The following OR10J1 variants were observed in gnomAD, a reference collection of about 807,000 sequenced individuals.
OR10J1 encodes olfactory receptor 10J1.
For missense variants in OR10J1, 474 were observed against 376.6 expected (o/e 1.26, Z -2.14); for synonymous variants, 202 against 143.8 (o/e 1.40, Z -2.89).
At chr1:159,400,964 A>G in the OR10J1 span, among the ~76,000 whole-genome samples, 1,257 of 151,836 alleles carry the variant, frequency 8.3e-3, 8 homozygotes, top group Middle Eastern at 0.014. Flanking sequence ...ATAATCAGAA[A>G]TTTTGGAAAA....
chr1:159,401,606 C>G, the OR10J1 span, among the ~76,000 whole-genome samples: 1 of 151,830 alleles, frequency 6.6e-6, no homozygotes, highest in South Asian at 2.1e-4. Context: ...GAAGCCATAA[C>G]AAAAAGTTTC....
At chr1:159,416,822 G>A in the OR10J1 span, among the ~76,000 whole-genome samples, 3 of 151,904 alleles carry the variant, frequency 2.0e-5, no homozygotes, top group Non-Finnish European at 4.4e-5. Flanking sequence ...GGTGATATGA[G>A]TCTAGAAATT....
the OR10J1 span, among the ~76,000 whole-genome samples, chr1:159,414,602 T>C: frequency 6.6e-6 from 1 of 152,162 alleles, no homozygotes; most frequent in Non-Finnish European, 1.5e-5. Context: ...TTTGAACATA[T>C]ACCCAACAGC....
chr1:159,414,943 A>G, the OR10J1 span, among the ~76,000 whole-genome samples: 7 of 151,314 alleles, frequency 4.6e-5, no homozygotes, highest in Admixed American at 6.6e-5. Flanking sequence ...TTTACTGTTG[A>G]GGTGAGTTCC....
chr1:159,417,029 T>G, the OR10J1 span, among the ~76,000 whole-genome samples: 6 of 152,078 alleles, frequency 3.9e-5, no homozygotes, highest in Non-Finnish European at 7.4e-5. Flanking sequence ...TAAAAACATT[T>G]CATTTCATTG....
At chr1:159,409,792 G>A in the OR10J1 span, among the ~76,000 whole-genome samples, 3 of 152,156 alleles carry the variant, frequency 2.0e-5, no homozygotes, top group African/African-American at 4.8e-5. Flanking sequence ...CAAAGGGAAC[G>A]CTTCCAGTTT....
chr1:159,423,488 A>G, the OR10J1 span, among the ~76,000 whole-genome samples: 1 of 152,326 alleles, frequency 6.6e-6, no homozygotes, highest in South Asian at 2.1e-4. Flanking sequence ...CATACTGCAT[A>G]TTATAGCAGA....
chr1:159,397,917 C>T, the OR10J1 span, among the ~76,000 whole-genome samples: 2 of 152,122 alleles, frequency 1.3e-5, no homozygotes, highest in Non-Finnish European at 2.9e-5. Context: ...TAGGCAGTAG[C>T]CAGGGACTGG....
chr1:159,440,881 A>G lies in OR10J1; in HGVS notation c.*160A>G. On this transcript the variant is annotated 3_prime_UTR_variant, in exon 1 of 1. Coordinates refer to ENST00000423932, the MANE Select transcript of OR10J1 (RefSeq NM_012351.3). ...AACTGGGAGTCTGAAGCTTTAAATA[A>G]AGTTACTGGATGGAGTGTTATCCCT... 1.4e-6 allele frequency: 1 copy of G among 701,600 alleles called. No individual in the cohort carries two copies. Among genetic ancestry groups the G allele is most frequent in the East Asian group, 2.6e-5 (1 of 37,782 alleles). 43.5% of individuals were successfully genotyped at this position (701,600 alleles called of 1,614,324 possible).
At chr1:159,410,222 T>C in the OR10J1 span, among the ~76,000 whole-genome samples, 2 of 152,194 alleles carry the variant, frequency 1.3e-5, no homozygotes, top group Non-Finnish European at 2.9e-5. Context: ...TAAAATGAGT[T>C]AGGGAGGACT....
At chr1:159,409,231 T>G in the OR10J1 span, among the ~76,000 whole-genome samples, 1 of 152,102 alleles carries the variant, frequency 6.6e-6, no homozygotes, top group African/African-American at 2.4e-5. Context: ...TTTCCGCAGC[T>G]ATTCTCTGAA....
the OR10J1 span, among the ~76,000 whole-genome samples, chr1:159,420,184 T>C: frequency 5.1e-4 from 78 of 152,296 alleles, no homozygotes; most frequent in South Asian, 7.9e-3. Flanking sequence ...TATATTTTTC[T>C]ATTCCCTTAC....
the OR10J1 span, among the ~76,000 whole-genome samples, chr1:159,419,315 G>A: frequency 5.5e-4 from 83 of 152,280 alleles, no homozygotes; most frequent in African/African-American, 1.9e-3. Flanking sequence ...ATGTGTCATG[G>A]GAGAAACCCA....
At chr1:159,423,422 G>A in the OR10J1 span, among the ~76,000 whole-genome samples, 7 of 152,142 alleles carry the variant, frequency 4.6e-5, no homozygotes, top group East Asian at 1.2e-3. Context: ...ATAGGGAACA[G>A]CCTTGAAACA....
the OR10J1 span, chr1:159,432,666 A>G: frequency 2.4e-6 from 1 of 424,552 alleles, no homozygotes; most frequent in South Asian, 1.0e-4. Context: ...CATTGGCCTG[A>G]GCACAGCTAT....
At chr1:159,416,863 AGT>A in the OR10J1 span, among the ~76,000 whole-genome samples, 1 of 151,840 alleles carries the variant, frequency 6.6e-6, no homozygotes, top group African/African-American at 2.4e-5. Flanking sequence ...CCTATTTGTT[AGT>A]GTGTATTGCT....
the OR10J1 span, chr1:159,405,683 T>G: frequency 1.8e-6 from 1 of 565,812 alleles, no homozygotes; most frequent in Non-Finnish European, 3.3e-6. Context: ...CTACCCTCAG[T>G]TGAAGCAATC....
At chr1:159,412,991 G>GA in the OR10J1 span, among the ~76,000 whole-genome samples, 2 of 151,642 alleles carry the variant, frequency 1.3e-5, no homozygotes, top group East Asian at 1.9e-4. Context: ...AAATTTACAA[G>GA]AAAAAAACAA....
At chr1:159,430,174 T>C in the OR10J1 span, among the ~76,000 whole-genome samples, 6 of 151,326 alleles carry the variant, frequency 4.0e-5, no homozygotes, top group African/African-American at 1.5e-4. Flanking sequence ...AAAGCATAAA[T>C]AGTGAAAAAA....
Sources: allele counts gnomAD v4.1 joint callset (sites outside exome capture counted in the v4.1 genomes callset), GRCh38; gene constraint gnomAD v4.1.1; transcripts MANE v1.5; gene names NCBI Gene and HGNC (gene_info 2026-07-23, HGNC 2026-07-21).